SSBP3: variants seen among roughly 807,000 people sequenced by gnomAD.
The protein encoded by SSBP3 is single-stranded DNA-binding protein 3.
SSBP3 carries 5 observed loss-of-function variants against 69.6 expected under a neutral mutation model. That is an observed-to-expected ratio of 0.07 (90% CI 0.04 to 0.15). The LOEUF is 0.15. Ranked by LOEUF, SSBP3 falls within the 10% of genes least tolerant of loss-of-function variation. The probability of loss-of-function intolerance (pLI) is 1.00; values close to 1 mark genes in which losing one functional copy is unlikely to be tolerated. For synonymous variants in SSBP3, 196 were observed against 193.4 expected, an observed-to-expected ratio of 1.01 and a Z score of -0.11; for missense variants, 312 against 534.0, an observed-to-expected ratio of 0.58 and a Z score of 4.10.
chr1:54,403,142 C>T (rs895020631), intron 3 of SSBP3, among the ~76,000 whole-genome samples: 1 of 152,152 alleles, frequency 6.6e-6, no homozygotes, highest in Non-Finnish European at 1.5e-5. Flanking sequence ...AGGGCCACAG[C>T]CACTCAAAGC....
chr1:54,242,236 G>A (rs1644652451), intron 10 of SSBP3, 24 bp from the exon 11 acceptor site: 2 of 1,613,570 alleles, frequency 1.2e-6, no homozygotes, highest in Non-Finnish European at 1.7e-6. Context: ...AAAGAGATGT[G>A]GACAATGAAA....
chr1:54,380,879 G>A (rs1441712587), intron 4 of SSBP3, among the ~76,000 whole-genome samples: 1 of 152,086 alleles, frequency 6.6e-6, no homozygotes, highest in Non-Finnish European at 1.5e-5. Context: ...CTAGCACTTT[G>A]GGAGGCTGAA....
intron 4 of SSBP3, among the ~76,000 whole-genome samples, chr1:54,304,465 C>T (rs767242988): frequency 3.9e-5 from 6 of 152,270 alleles, no homozygotes; most frequent in South Asian, 4.1e-4. Context: ...GCTAGCTGCA[C>T]GCAGCAGGAG....
chr1:54,284,812 T>C (rs896472495), intron 4 of SSBP3, among the ~76,000 whole-genome samples: 1 of 152,192 alleles, frequency 6.6e-6, no homozygotes, highest in Non-Finnish European at 1.5e-5. Flanking sequence ...AAGTACTTTG[T>C]CGCCTTATTT....
intron 4 of SSBP3, among the ~76,000 whole-genome samples, chr1:54,328,089 T>C (rs1054046257): frequency 2.0e-5 from 3 of 152,104 alleles, no homozygotes; most frequent in African/African-American, 7.2e-5. Flanking sequence ...GAATGAGGGC[T>C]TGTACCCTGG....
chr1:54,265,313 T>G (rs936427627), intron 5 of SSBP3, among the ~76,000 whole-genome samples: 2 of 151,630 alleles, frequency 1.3e-5, no homozygotes, highest in African/African-American at 2.4e-5. Flanking sequence ...AGGGTGTGGG[T>G]GTGTGTGTGT....
chr1:54,354,917 A>G (rs1225608188), intron 4 of SSBP3, among the ~76,000 whole-genome samples: 1 of 152,196 alleles, frequency 6.6e-6, no homozygotes, highest in East Asian at 1.9e-4. Context: ...CCAAGAGCAA[A>G]GGGGTAGAAA....
intron 4 of SSBP3, among the ~76,000 whole-genome samples, chr1:54,319,504 C>T (rs1356612049): frequency 6.6e-6 from 1 of 152,136 alleles, no homozygotes; most frequent in Non-Finnish European, 1.5e-5. Context: ...AATTTCCAAA[C>T]ACAGAAGCAG....
Position 54,243,632 on chromosome 1 carries a change from C to T in SSBP3, c.652-333G>A, listed in dbSNP as rs190906742. Among the ~76,000 whole-genome samples, 68 of 152,112 alleles carry T rather than the reference C, an allele frequency of 4.5e-4. 1 individual carries two copies. Among genetic ancestry groups the T allele is most frequent in the Middle Eastern group, 6.3e-3 (2 of 316 alleles). ...CCTGTACCTTCCCCCTGGGCTCAGG[C>T]GGGTAAGAGGGGATGGACTTGGTCT... On this transcript the variant is annotated intron_variant, in intron 9 of 17. Transcript: ENST00000610401.
chr1:54,373,279 T>C (rs925211955), intron 4 of SSBP3, among the ~76,000 whole-genome samples: 3 of 152,188 alleles, frequency 2.0e-5, no homozygotes, highest in Non-Finnish European at 4.4e-5. Context: ...CAACAGCCTC[T>C]GGGGCCCCTT....
chr1:54,252,833 G>A (rs1255310571), intron 7 of SSBP3, among the ~76,000 whole-genome samples: 2 of 152,248 alleles, frequency 1.3e-5, no homozygotes, highest in Non-Finnish European at 2.9e-5. Flanking sequence ...TTGCCTTCGA[G>A]AGGAAAAGCC....
At chr1:54,393,062 G>A (rs1648611254) in intron 4 of SSBP3, among the ~76,000 whole-genome samples, 1 of 152,204 alleles carries the variant, frequency 6.6e-6, no homozygotes, top group Non-Finnish European at 1.5e-5. Flanking sequence ...GGGAATCATG[G>A]TGAAGAGGCC....
chr1:54,284,083 T>C (rs190259520), intron 4 of SSBP3, among the ~76,000 whole-genome samples: 4 of 151,948 alleles, frequency 2.6e-5, no homozygotes, highest in African/African-American at 7.2e-5. Flanking sequence ...TCATTCTTCT[T>C]ATGTACCATT....
chr1:54,312,312 G>C (rs1005793949), intron 4 of SSBP3, among the ~76,000 whole-genome samples: 1 of 151,744 alleles, frequency 6.6e-6, no homozygotes, highest in East Asian at 1.9e-4. Context: ...AAAAGAGGCC[G>C]GACAAGGTGG....
chr1:54,319,101 C>T (rs748215598), intron 4 of SSBP3, among the ~76,000 whole-genome samples: 7 of 152,186 alleles, frequency 4.6e-5, no homozygotes, highest in Admixed American at 1.3e-4. Flanking sequence ...AACCAACCAG[C>T]CCTGAGCACT....
chr1:54,241,127 G>A (rs567526968), intron 12 of SSBP3, among the ~76,000 whole-genome samples, 168 bp from the exon 13 acceptor site: 54 of 152,298 alleles, frequency 3.5e-4, no homozygotes, highest in Admixed American at 7.2e-4. Flanking sequence ...TTGAGAAGGG[G>A]ACCTGGATGT....
chr1:54,312,885 T>A lies in SSBP3; in HGVS notation c.277-31358A>T, dbSNP rs551046689. 9.2e-5 allele frequency among the ~76,000 whole-genome samples: 14 copies of A among 152,220 alleles called. No homozygotes were observed. In the East Asian group the frequency reaches 1.7e-3, roughly 19 times the overall value. ...GTTGATTGGTCCAGCTTCCTGGAAA[T>A]GTCTCTTCCACTTTGAATCCACTTC... On this transcript the variant is annotated intron_variant, in intron 4 of 17. Transcript: ENST00000610401.
intron 11 of SSBP3, 57 bp from the exon 12 acceptor site, chr1:54,241,566 C>G: frequency 2.5e-6 from 4 of 1,578,118 alleles, no homozygotes; most frequent in Non-Finnish European, 3.5e-6. Flanking sequence ...CCTCAGCTGC[C>G]AAACCTCCCT....
chr1:54,247,963 T>C (rs534685090), intron 9 of SSBP3, among the ~76,000 whole-genome samples: 1 of 152,370 alleles, frequency 6.6e-6, no homozygotes, highest in Non-Finnish European at 1.5e-5. Context: ...AAAATCTGTC[T>C]GAAGCACTGA....
Sources: gnomAD v4.1 joint callset for allele counts (sites outside exome capture counted in the v4.1 genomes callset) on GRCh38, gnomAD v4.1.1 for gene constraint, MANE v1.5 for transcripts, NCBI Gene and HGNC (gene_info 2026-07-23, HGNC 2026-07-21) for gene names.